Variants in EML6 observed in about 807,000 individuals in gnomAD.
The protein encoded by EML6 is EMAP like 6, also known as echinoderm microtubule-associated protein-like 6.
Under a neutral mutation model 240.1 loss-of-function variants are expected in EML6, and 154 were observed. The observed-to-expected ratio is 0.64, with a 90% confidence interval of 0.56 to 0.73. The LOEUF is 0.73. Ranked by LOEUF, EML6 falls within the 30% of genes least tolerant of loss-of-function variation. The pLI is 0.00. For synonymous variants in EML6, 1,148 were observed against 899.0 expected, an observed-to-expected ratio of 1.28 and a Z score of -4.95; for missense variants, 2,964 against 2,474.6, an observed-to-expected ratio of 1.20 and a Z score of -4.20.
chr2:54,821,556 G>A lies in EML6; in HGVS notation c.525+1094G>A, dbSNP rs146427825. Among the ~76,000 whole-genome samples, 364 of 151,902 alleles carry A rather than the reference G, an allele frequency of 2.4e-3. 9 individuals are homozygous for A. In the East Asian group the frequency reaches 0.051, roughly 21 times the overall value. On this transcript the variant is annotated intron_variant, in intron 5 of 41. Transcript: ENST00000356458. ...CCTTTAAATTATCCTAAATTAATCC[G>A]GAAGCATTAAATAATGACAATAACT...
At chr2:54,921,173 T>C (rs1386425836) in intron 26 of EML6, among the ~76,000 whole-genome samples, 2 of 152,058 alleles carry the variant, frequency 1.3e-5, no homozygotes, top group Non-Finnish European at 2.9e-5. Context: ...TAAAATTATC[T>C]CTATTTATGT....
chr2:54,734,200 T>C (rs368877034), intron 2 of EML6, among the ~76,000 whole-genome samples: 9 of 152,226 alleles, frequency 5.9e-5, no homozygotes, highest in East Asian at 5.8e-4. Flanking sequence ...TAGCCGGGCA[T>C]GATGGCGGGT....
rs75040450 is a variant in EML6, at chr2:54,726,482, A to G, written c.197+1224A>G. ...TGAGACCTAAAGTTGAAAAATTGTTACAGAAGGCAAGCACTTAATATTCAA... is the reference window on the plus strand; with the variant it reads ...TGAGACCTAAAGTTGAAAAATTGTTGCAGAAGGCAAGCACTTAATATTCAA... On this transcript the variant is annotated intron_variant, in intron 2 of 41. Transcript: ENST00000356458. Among the ~76,000 whole-genome samples the G allele has an allele frequency of 3.0e-3, 459 of 152,000 alleles. 1 individual carries two copies. Among genetic ancestry groups the G allele is most frequent in the Middle Eastern group, 0.014 (4 of 294 alleles).
intron 28 of EML6, among the ~76,000 whole-genome samples, chr2:54,943,712 C>G (rs1359019691): frequency 2.0e-5 from 3 of 152,048 alleles, no homozygotes; most frequent in African/African-American, 4.8e-5. Flanking sequence ...TATAAATTTT[C>G]TAGCAGGCAC....
chr2:54,940,479 CTG>C (rs1276146502), intron 28 of EML6, among the ~76,000 whole-genome samples: 4 of 152,184 alleles, frequency 2.6e-5, no homozygotes, highest in East Asian at 1.9e-4. Context: ...GGATTATAAA[CTG>C]TGTAGGATTA....
intron 21 of EML6, among the ~76,000 whole-genome samples, chr2:54,898,413 T>TGA (rs1243469911): frequency 6.6e-6 from 1 of 152,080 alleles, no homozygotes; most frequent in African/African-American, 2.4e-5. Context: ...TGGGAAGATG[T>TGA]GAGGTTGACC....
chr2:54,793,850 C>G (rs184738208), intron 2 of EML6, among the ~76,000 whole-genome samples: 3 of 152,298 alleles, frequency 2.0e-5, no homozygotes, highest in African/African-American at 7.2e-5. Context: ...CTCCCTGGAA[C>G]TCCAGCCTAG....
intron 35 of EML6, among the ~76,000 whole-genome samples, chr2:54,961,372 G>C (rs1676505975): frequency 6.6e-6 from 1 of 151,058 alleles, no homozygotes; most frequent in African/African-American, 2.4e-5. Context: ...TTTTAGTAGA[G>C]ATGGGGTTTT....
chr2:54,928,788 C>G (rs1215411163), intron 28 of EML6, 37 bp downstream of exon 28: 2 of 1,550,936 alleles, frequency 1.3e-6, no homozygotes, highest in Non-Finnish European at 1.7e-6. Context: ...TTTATTATAC[C>G]TGATGACAAG....
intron 18 of EML6, 148 bp from the exon 19 acceptor site, chr2:54,892,306 T>C: frequency 3.2e-6 from 2 of 620,590 alleles, no homozygotes; most frequent in South Asian, 4.1e-5. Context: ...TTAGAATATT[T>C]TTGTTCATGA....
chr2:54,918,484 G>A (rs1454412999), intron 26 of EML6, among the ~76,000 whole-genome samples: 1 of 152,158 alleles, frequency 6.6e-6, no homozygotes, highest in East Asian at 1.9e-4. Context: ...CAGTAGCTGG[G>A]ATTATGTGCA....
chr2:54,902,479 A>T (rs1474692443), intron 22 of EML6, among the ~76,000 whole-genome samples: 1 of 152,066 alleles, frequency 6.6e-6, no homozygotes, highest in African/African-American at 2.4e-5. Flanking sequence ...TGCTCACTGC[A>T]CCCTCCACCT....
At chr2:54,847,990 C>G (rs1368778457) in intron 9 of EML6, among the ~76,000 whole-genome samples, 1 of 152,150 alleles carries the variant, frequency 6.6e-6, no homozygotes, top group Non-Finnish European at 1.5e-5. Context: ...ATGAACCTTT[C>G]TAAAATCTAA....
At chr2:54,904,171 T>A (rs1211288101) in intron 24 of EML6, among the ~76,000 whole-genome samples, 1 of 152,136 alleles carries the variant, frequency 6.6e-6, no homozygotes, top group African/African-American at 2.4e-5. Context: ...TATCCATAAA[T>A]AATACAAGAG....
chr2:54,829,421 C>T lies in EML6; in HGVS notation c.791C>T (p.Thr264Ile), dbSNP rs865893120. ...GATGGGTGTATACGACTGTGGGACA[C>T]TGATTTCAAACCAATAACCAAAATT... ...GRDGCIRLWD[T>I]DFKPITKIDL... The change falls in exon 7 of 42, where the codon ACT (threonine) becomes ATT (isoleucine). Residue 264 changes from threonine (T) to isoleucine (I), a missense_variant. By Grantham distance (89) the Thr-to-Ile change is moderately conservative (BLOSUM62 -1). Coordinates refer to ENST00000356458, the MANE Select transcript of EML6 (RefSeq NM_001039753.4). 2 of 1,551,788 alleles carry T rather than the reference C, an allele frequency of 1.3e-6. No individual in the cohort carries two copies. The highest frequency in any genetic ancestry group is 1.4e-5 in the African/African-American group (1 of 73,130).
At chr2:54,791,252 C>A (rs751588389) in intron 2 of EML6, among the ~76,000 whole-genome samples, 1 of 152,144 alleles carries the variant, frequency 6.6e-6, no homozygotes, top group Non-Finnish European at 1.5e-5. Context: ...CGGGAAGTGA[C>A]GGCACAGTTA....
chr2:54,946,328 A>G (rs1473687292), intron 28 of EML6, among the ~76,000 whole-genome samples: 2 of 151,994 alleles, frequency 1.3e-5, no homozygotes, highest in East Asian at 1.9e-4. Context: ...CTCCCTGCCA[A>G]TGCCGGGTTG....
Position 54,725,049 on chromosome 2 carries a change from G to A in EML6, c.-13G>A. 1 of 1,502,940 alleles carries A rather than the reference G, an allele frequency of 6.7e-7. No homozygotes were observed. The highest frequency in any genetic ancestry group is 1.2e-5 in the South Asian group (1 of 80,146). 93.1% of individuals were successfully genotyped at this position (1,502,940 alleles called of 1,614,324 possible). ...CGCGCGGGGGGGCGGGGGGCGCGCG[G>A]GGTCGGCTTATCATGGCGGATCGGA... On this transcript the variant is annotated 5_prime_UTR_variant, in exon 2 of 42. Transcript: ENST00000356458. The surrounding 1 kb of genome is among the most constrained non-coding windows in gnomAD (Gnocchi z 4.3).
intron 17 of EML6, among the ~76,000 whole-genome samples, chr2:54,889,553 A>T (rs914694172): frequency 6.6e-6 from 1 of 151,384 alleles, no homozygotes; most frequent in African/African-American, 2.4e-5. Flanking sequence ...TTTATTGTTT[A>T]TAAATAGAGT....
Sources: allele counts gnomAD v4.1 joint callset (sites outside exome capture counted in the v4.1 genomes callset), GRCh38; gene constraint gnomAD v4.1.1; non-coding constraint Gnocchi (gnomAD v3.1); transcripts MANE v1.5; gene names NCBI Gene and HGNC (gene_info 2026-07-23, HGNC 2026-07-21).